ACYP2: variants seen among roughly 807,000 people sequenced by gnomAD.
The protein encoded by ACYP2 is acylphosphatase-2.
Under a neutral mutation model 11.2 loss-of-function variants are expected in ACYP2, and 12 were observed. The ratio of observed to expected loss-of-function variants is 1.08; its 90% CI spans 0.69 to 1.74. The LOEUF is 1.74. ACYP2 is among the 40% of genes most tolerant of loss of function. ACYP2 has a pLI of 0.00. For synonymous variants in ACYP2, 43 were observed against 32.2 expected (o/e 1.33, Z -1.13); for missense variants, 134 against 101.9 (o/e 1.31, Z -1.35).
At chr2:54,117,824 A>G (rs892000783) in intron 4 of ACYP2, among the ~76,000 whole-genome samples, 13 of 152,096 alleles carry the variant, frequency 8.5e-5, no homozygotes, top group African/African-American at 3.1e-4. Flanking sequence ...GATTACATGA[A>G]TAAGTTCATT....
At chr2:54,188,940 C>A (rs115034192) in intron 6 of ACYP2, among the ~76,000 whole-genome samples, 1,867 of 152,316 alleles carry the variant, frequency 0.012, 47 homozygotes, top group African/African-American at 0.043. Flanking sequence ...TCCTAGCCCA[C>A]CTGCCTACCC....
At chr2:54,237,960 A>G (rs1045008869) in intron 6 of ACYP2, among the ~76,000 whole-genome samples, 1 of 152,022 alleles carries the variant, frequency 6.6e-6, no homozygotes, top group African/African-American at 2.4e-5. Flanking sequence ...GCTTGTCTCT[A>G]TCTTGCTGTT....
At chr2:54,009,350 G>A (rs1410700776) in intron 2 of ACYP2, among the ~76,000 whole-genome samples, 1 of 149,824 alleles carries the variant, frequency 6.7e-6, no homozygotes, top group Non-Finnish European at 1.5e-5. Context: ...CCTTAGGTCA[G>A]GAGTTTGAGC....
intron 6 of ACYP2, among the ~76,000 whole-genome samples, chr2:54,181,131 A>G (rs573354317): frequency 1.3e-5 from 2 of 152,238 alleles, no homozygotes; most frequent in Admixed American, 1.3e-4. Flanking sequence ...AAACACTAGG[A>G]TATGGCTGTG....
chr2:54,040,169 G>A (rs917155076), intron 2 of ACYP2, among the ~76,000 whole-genome samples: 7 of 152,094 alleles, frequency 4.6e-5, no homozygotes, highest in African/African-American at 1.7e-4. Context: ...TATGCTGAAG[G>A]TTAATCAGAC....
chr2:54,193,217 G>C (rs555827995), intron 6 of ACYP2, among the ~76,000 whole-genome samples: 1 of 152,134 alleles, frequency 6.6e-6, no homozygotes, highest in Admixed American at 6.6e-5. Context: ...GTCAAGTACC[G>C]TACTTTTTAG....
chr2:54,111,575 G>A (rs1182358343), intron 4 of ACYP2, among the ~76,000 whole-genome samples: 1 of 152,240 alleles, frequency 6.6e-6, no homozygotes, highest in Non-Finnish European at 1.5e-5. Flanking sequence ...CTGATAACTT[G>A]TAATAAGATT....
intron 4 of ACYP2, among the ~76,000 whole-genome samples, chr2:54,106,380 G>A (rs568459566): frequency 2.6e-5 from 4 of 152,034 alleles, no homozygotes; most frequent in Non-Finnish European, 5.9e-5. Context: ...CAGATTTTAT[G>A]AGTAAGGATG....
intron 6 of ACYP2, among the ~76,000 whole-genome samples, chr2:54,140,728 A>G (rs1681556952): frequency 2.0e-5 from 3 of 152,152 alleles, no homozygotes; most frequent in African/African-American, 2.4e-5. Flanking sequence ...ATTCCACAAT[A>G]TATAGATTTA....
At chr2:54,208,306 A>G (rs1685167678) in intron 6 of ACYP2, among the ~76,000 whole-genome samples, 1 of 152,044 alleles carries the variant, frequency 6.6e-6, no homozygotes, top group Non-Finnish European at 1.5e-5. Context: ...CCTGATGTGA[A>G]TAACATACTA....
chr2:54,251,360 T>TC lies in ACYP2; in HGVS notation c.405-53328_405-53327insC, dbSNP rs148480968. On this transcript the variant is annotated intron_variant, in intron 6 of 6. Transcript: ENST00000607452. ...AGAGAGTTTCCAGAAAAATAATGTG[T>TC]TTTTTTTTGTTTTGAATTTATTTGC... 2.0e-3 allele frequency among the ~76,000 whole-genome samples: 158 copies of TC among 80,354 alleles called. No homozygotes were observed. The Middle Eastern group carries it at 0.077, about 39-fold the overall frequency. 52.7% of individuals were successfully genotyped at this position (80,354 alleles called of 152,430 possible).
At chr2:54,058,414 C>A (rs573289783) in intron 4 of ACYP2, among the ~76,000 whole-genome samples, 1 of 151,912 alleles carries the variant, frequency 6.6e-6, no homozygotes. Flanking sequence ...TCATTATACA[C>A]CTATGTCTTC....
intron 2 of ACYP2, among the ~76,000 whole-genome samples, chr2:54,037,258 G>A (rs1674952027): frequency 6.6e-6 from 1 of 151,824 alleles, no homozygotes; most frequent in South Asian, 2.1e-4. Context: ...GATTACAGGC[G>A]CCCACCACCA....
At position 54,295,782 on chromosome 2, in the gene ACYP2, A is replaced by G. The variant is rs182744339; in HGVS notation, c.405-8906A>G. On this transcript the variant is annotated intron_variant, in intron 6 of 6. Transcript: ENST00000607452. ...CCACCTTCTTTTTTGTGTGTGTGAG[A>G]CAGAGTATCACTCTGTCGCCCAGGC... Among the ~76,000 whole-genome samples, 172 of 150,850 alleles carry G rather than the reference A, an allele frequency of 1.1e-3. 1 individual carries two copies. Among genetic ancestry groups the G allele is most frequent in the African/African-American group, 4.1e-3 (168 of 41,064 alleles).
intron 4 of ACYP2, 23 bp from the exon 2 acceptor site, chr2:54,135,430 C>G: frequency 1.2e-6 from 2 of 1,602,322 alleles, no homozygotes; most frequent in Non-Finnish European, 1.7e-6. Flanking sequence ...GCTGACAATT[C>G]TTTTTATCTT....
chr2:54,169,695 A>G (rs777848786), intron 6 of ACYP2, among the ~76,000 whole-genome samples: 1 of 152,146 alleles, frequency 6.6e-6, no homozygotes, highest in South Asian at 2.1e-4. Flanking sequence ...TTTTTTTTCC[A>G]TCGAGAAAAA....
At chr2:54,213,768 C>T (rs1644770856) in intron 6 of ACYP2, among the ~76,000 whole-genome samples, 1 of 147,896 alleles carries the variant, frequency 6.8e-6, no homozygotes, top group Non-Finnish European at 1.5e-5. Context: ...ACCCCACACC[C>T]CCTACTTTTT....
At chr2:54,284,720 A>G (rs1325152123) in intron 6 of ACYP2, among the ~76,000 whole-genome samples, 1 of 152,054 alleles carries the variant, frequency 6.6e-6, no homozygotes, top group Non-Finnish European at 1.5e-5. Flanking sequence ...AGCTATGTTG[A>G]CTGTTTCTTC....
rs1684975556 is a variant in ACYP2, at chr2:54,204,163, T to A, written c.404+65415T>A. On this transcript the variant is annotated intron_variant, in intron 6 of 6. Coordinates refer to ENST00000607452, the MANE Select transcript of ACYP2 (RefSeq NM_001320586.2). ...GCATGTGCCACCATGCCCAGCTAAA[T>A]TTTTTTTGTATTTTTAGTAGAGACG... 2.0e-5 allele frequency among the ~76,000 whole-genome samples: 3 copies of A among 151,844 alleles called. No individual in the cohort carries two copies. In the South Asian group the frequency reaches 6.2e-4, roughly 32 times the overall value.
Sources: allele counts gnomAD v4.1 joint callset (sites outside exome capture counted in the v4.1 genomes callset), GRCh38; gene constraint gnomAD v4.1.1; transcripts MANE v1.5; gene names NCBI Gene and HGNC (gene_info 2026-07-23, HGNC 2026-07-21).